DNAJB12: variants seen among roughly 807,000 people sequenced by gnomAD.
DNAJB12 encodes the protein dnaJ homolog subfamily B member 12.
DNAJB12 carries 14 observed loss-of-function variants against 40.6 expected under a neutral mutation model. That is an observed-to-expected ratio of 0.34 (90% CI 0.23 to 0.54). The LOEUF is 0.54. DNAJB12 is among the 20% of genes least tolerant of loss of function. DNAJB12 has a pLI of 0.92. For missense variants in DNAJB12, 444 were observed against 501.7 expected, an observed-to-expected ratio of 0.89 and a Z score of 1.10; for synonymous variants, 181 against 199.5, an observed-to-expected ratio of 0.91 and a Z score of 0.78.
chr10:72,345,681 C>T (rs1218337899), intron 1 of DNAJB12, among the ~76,000 whole-genome samples: 2 of 150,764 alleles, frequency 1.3e-5, no homozygotes, highest in African/African-American at 4.9e-5. Context: ...GTGACCAGCC[C>T]GGCCAACATG....
At chr10:72,344,144 C>T (rs1861717651) in intron 2 of DNAJB12, among the ~76,000 whole-genome samples, 1 of 152,162 alleles carries the variant, frequency 6.6e-6, no homozygotes, top group Non-Finnish European at 1.5e-5. Context: ...CCCTGGTTCT[C>T]TTTCACCAAT....
intron 3 of DNAJB12, among the ~76,000 whole-genome samples, chr10:72,341,731 C>T: frequency 6.6e-6 from 1 of 152,196 alleles, no homozygotes; most frequent in East Asian, 1.9e-4. Flanking sequence ...CTTGGCCTCC[C>T]AAAGTGCTGG....
At chr10:72,334,782 G>A (rs900863912) in intron 8 of DNAJB12, 165 bp from the exon 9 acceptor site, 3 of 1,393,078 alleles carry the variant, frequency 2.2e-6, no homozygotes, top group Non-Finnish European at 1.8e-6. Flanking sequence ...CAGCACAGAG[G>A]CAGGCACAAA....
At position 72,345,008 on chromosome 10, in the gene DNAJB12, C is replaced by T. The variant is rs1464097172; in HGVS notation, c.253G>A (p.Glu85Lys). The T allele has an allele frequency of 6.2e-7, 1 of 1,614,132 alleles. No homozygotes were observed. Among genetic ancestry groups the T allele is most frequent in the East Asian group, 2.2e-5 (1 of 44,892 alleles). The change falls in exon 2 of 9, where the codon GAA (glutamate) becomes AAA (lysine). Residue 85 changes from glutamate (E) to lysine (K), a missense_variant. Transcript: ENST00000444643. The part of the protein sequence containing the change: ...GGTDAPSANG[E>K]AGGESTKGYT... ...CCTTTGGTGCTCTCTCCTCCAGCTT[C>T]ACCGTTGGCCGAGGGGGCATCGGTC...
chr10:72,350,398 CAAAAAAAAAAAAAAAAA>C (rs35316232), intron 1 of DNAJB12, among the ~76,000 whole-genome samples: 5 of 27,802 alleles, frequency 1.8e-4, no homozygotes, highest in Admixed American at 9.8e-4. Context: ...GACCCTGTCT[CAAAAAAAAAAAAAAAAA>C]AAAAAAAAAA....
intron 5 of DNAJB12, among the ~76,000 whole-genome samples, chr10:72,340,159 A>C (rs1861591751): frequency 6.6e-6 from 1 of 151,796 alleles, no homozygotes; most frequent in Admixed American, 6.6e-5. Context: ...AGCCTGGCCA[A>C]CATGGTGAAA....
Position 72,335,152 on chromosome 10 carries a change from T to A in DNAJB12, c.*31-535A>T, listed in dbSNP as rs1355358722. ...TCCAGGCTGCCAGGTGTGACGGCAT[T>A]CGAGAGAGTGCCTCAGATCCCACCA... On this transcript the variant is annotated intron_variant, in intron 8 of 8. Coordinates refer to ENST00000444643, the MANE Select transcript of DNAJB12 (RefSeq NM_017626.7). The surrounding 1 kb of genome is among the most constrained non-coding windows in gnomAD (Gnocchi z 4.4). 1.0e-6 allele frequency: 1 copy of A among 988,136 alleles called. No individual in the cohort carries two copies. The highest frequency in any genetic ancestry group is 6.1e-5 in the Admixed American group (1 of 16,458). The allele number at this position is 988,136 out of a possible 1,614,324, so 61.2% of individuals were successfully genotyped here.
chr10:72,349,894 G>A (rs1861891122), intron 1 of DNAJB12, among the ~76,000 whole-genome samples: 1 of 152,100 alleles, frequency 6.6e-6, no homozygotes, highest in African/African-American at 2.4e-5. Context: ...CTGGCCTGGG[G>A]GATGTGACAG....
At chr10:72,339,720 T>C (rs1475990295) in intron 5 of DNAJB12, among the ~76,000 whole-genome samples, 2 of 151,242 alleles carry the variant, frequency 1.3e-5, no homozygotes, top group East Asian at 3.9e-4. Flanking sequence ...TTTTATACTT[T>C]TTTTTTTTTT....
intron 1 of DNAJB12, among the ~76,000 whole-genome samples, chr10:72,350,580 C>T (rs1736735838): frequency 6.6e-6 from 1 of 152,216 alleles, no homozygotes; most frequent in Non-Finnish European, 1.5e-5. Flanking sequence ...GCCCAATGCC[C>T]AGCAAATATA....
intron 3 of DNAJB12, 109 bp downstream of exon 3, chr10:72,343,257 C>T: frequency 7.1e-7 from 1 of 1,409,270 alleles, no homozygotes; most frequent in South Asian, 1.4e-5. Context: ...GGGCCCAAGG[C>T]CACTTCCTCC....
intron 1 of DNAJB12, among the ~76,000 whole-genome samples, chr10:72,348,946 C>T (rs1381388090): frequency 6.6e-6 from 1 of 152,238 alleles, no homozygotes; most frequent in Non-Finnish European, 1.5e-5. Flanking sequence ...CATGACCACA[C>T]AGCTGGTTAG....
intron 1 of DNAJB12, 47 bp from the exon 2 acceptor site, chr10:72,345,174 G>T (rs1861752343): frequency 2.6e-6 from 4 of 1,551,620 alleles, no homozygotes; most frequent in South Asian, 1.2e-5. Context: ...CAAGCAGGCT[G>T]CGTGCCTCGC....
At chr10:72,338,387 C>T in intron 5 of DNAJB12, 76 bp from the exon 6 acceptor site, 1 of 1,245,176 alleles carries the variant, frequency 8.0e-7, no homozygotes. Flanking sequence ...ACTAGCTCCC[C>T]TAGAATAGTG....
Position 72,343,478 on chromosome 10 carries a change from C to A in DNAJB12, c.345G>T (p.Leu115=). The change falls in exon 3 of 9, where the codon CTG becomes CTT. Residue 115 remains leucine, a synonymous_variant. Coordinates refer to ENST00000444643, the MANE Select transcript of DNAJB12 (RefSeq NM_017626.7). ...CATCCGAGGCCCCTCTGCTCACCCC[C>A]AGGATCTCATAGTAATCTTTACATT... ...VKQCKDYYEI[L]GVSRGASDED... The A allele has an allele frequency of 6.2e-6, 10 of 1,614,190 alleles. No individual in the cohort carries two copies. The highest frequency in any genetic ancestry group is 6.8e-6 in the Non-Finnish European group (8 of 1,180,034).
chr10:72,345,239 T>C (rs905981124), intron 1 of DNAJB12, 112 bp from the exon 2 acceptor site: 13 of 1,295,454 alleles, frequency 1.0e-5, no homozygotes, highest in Admixed American at 6.8e-5. Context: ...CACCAGCTCC[T>C]GCCCTGATTA....
chr10:72,347,162 T>C (rs914190651), intron 1 of DNAJB12, among the ~76,000 whole-genome samples: 2 of 152,030 alleles, frequency 1.3e-5, no homozygotes, highest in Non-Finnish European at 2.9e-5. Context: ...GGTTTCACCA[T>C]GTTGGCCAGG....
intron 1 of DNAJB12, among the ~76,000 whole-genome samples, chr10:72,347,228 T>C (rs1163225813): frequency 1.3e-5 from 2 of 152,212 alleles, no homozygotes; most frequent in Non-Finnish European, 2.9e-5. Flanking sequence ...CCCAAAGTGC[T>C]GGGATTACAG....
At chr10:72,336,002 C>G in intron 7 of DNAJB12, 71 bp from the exon 8 acceptor site, 1 of 1,583,550 alleles carries the variant, frequency 6.3e-7, no homozygotes, top group Admixed American at 1.7e-5. Context: ...CCTGCGAGGG[C>G]TGTGGAGGGC....
Sources: allele counts gnomAD v4.1 joint callset (sites outside exome capture counted in the v4.1 genomes callset), GRCh38; gene constraint gnomAD v4.1.1; non-coding constraint Gnocchi (gnomAD v3.1); transcripts MANE v1.5; gene names NCBI Gene and HGNC (gene_info 2026-07-23, HGNC 2026-07-21).